The following FBRS variants were observed in gnomAD, a reference collection of about 807,000 sequenced individuals.
FBRS encodes fibrosin.
In FBRS, 15 loss-of-function variants were observed where a neutral mutation model predicts 86.1. The ratio of observed to expected loss-of-function variants is 0.17; its 90% CI spans 0.12 to 0.27. The LOEUF (loss-of-function observed/expected upper bound fraction) is 0.27, where lower values mean the gene tolerates loss of function less well. FBRS is among the 10% of genes least tolerant of loss of function. The pLI, the probability that FBRS is intolerant of heterozygous loss-of-function variation, is 1.00. For synonymous variants in FBRS, 666 were observed against 575.8 expected (o/e 1.16, Z -2.24); for missense variants, 1,367 against 1,301.6 (o/e 1.05, Z -0.77).
In FBRS at chr16:30,665,459, C is replaced by T. The variant is rs935002427; in HGVS notation, c.1704+58C>T. ...ACCATCTTGACAAACCCAGACACGCCGGGTCCAAGCACCCTTCTCCCATTC... is the reference window on the plus strand; with the variant it reads ...ACCATCTTGACAAACCCAGACACGCTGGGTCCAAGCACCCTTCTCCCATTC... On this transcript the variant is annotated intron_variant, in intron 10 of 17. Transcript: ENST00000356166. This position sits in a 1 kb window ranked among gnomAD's most constrained non-coding sequence, Gnocchi z 4.1. The T allele has an allele frequency of 3.1e-5, 46 of 1,490,198 alleles. No individual in the cohort carries two copies. Among genetic ancestry groups the T allele is most frequent in the Middle Eastern group, 1.7e-4 (1 of 5,906 alleles). 92.3% of individuals were successfully genotyped at this position (1,490,198 alleles called of 1,614,324 possible). A position where few individuals can be genotyped will look rare whatever the true frequency, so the allele number is the denominator to read the frequency against.
At position 30,668,872 on chromosome 16, in the gene FBRS, C is replaced by G; in HGVS notation, c.2259C>G (p.Thr753=). Residue 753 remains threonine, a synonymous_variant, in exon 17 of 18, where the codon ACC becomes ACG. Transcript: ENST00000356166. ...GCCGCCTGCACCGCAGTCCTCTGAC[C>G]TTTCCTGCCTGGGTCCGGCCCCCTG... ...PWGRLHRSPL[T]FPAWVRPPEA... is the part of the protein sequence containing the mutation. The G allele has an allele frequency of 6.3e-7, 1 of 1,588,794 alleles. No individual in the cohort carries two copies. Among genetic ancestry groups the G allele is most frequent in the Non-Finnish European group, 8.5e-7 (1 of 1,171,742 alleles).
In FBRS at chr16:30,669,200, C is replaced by T. The variant is rs2052562741; in HGVS notation, c.2498C>T (p.Ala833Val). ...VKEERKEEAA[A>V]AAAAAAAAAA... ...GAAGAGCGGAAGGAGGAGGCTGCCGCCGCCGCTGCCGCTGCTGCTGCCGCC... is the reference window on the plus strand; with the variant it reads ...GAAGAGCGGAAGGAGGAGGCTGCCGTCGCCGCTGCCGCTGCTGCTGCCGCC... Residue 833 changes from alanine (A) to valine (V), a missense_variant, in exon 18 of 18, where the codon GCC becomes GTC. Around this residue, in one of 3 missense-constraint regions of FBRS, gnomAD observed 659 missense variants for 678.8 expected, o/e 0.97. Transcript: ENST00000356166. This position sits in a 1 kb window ranked among gnomAD's most constrained non-coding sequence, Gnocchi z 5.9. 6.5e-7 allele frequency: 1 copy of T among 1,544,788 alleles called. No individual in the cohort carries two copies. The highest frequency in any genetic ancestry group is 8.7e-7 in the Non-Finnish European group (1 of 1,143,818).
At chr16:30,662,318 A>C (rs2052471418) in intron 4 of FBRS, 102 bp from the exon 5 acceptor site, 2 of 1,510,984 alleles carry the variant, frequency 1.3e-6, no homozygotes, top group African/African-American at 2.8e-5. Flanking sequence ...CAGACTTGCC[A>C]CTACCACCAG....
chr16:30,667,684 T>A (rs1020796036), intron 15 of FBRS, 62 bp downstream of exon 15: 1 of 1,398,636 alleles, frequency 7.1e-7, no homozygotes, highest in Non-Finnish European at 9.5e-7. Flanking sequence ...GAGATGGAAA[T>A]CAGACCCAGC....
In FBRS at chr16:30,665,928, G is replaced by A; in HGVS notation, c.1773+222G>A. The A allele has an allele frequency of 1.9e-6, 1 of 517,984 alleles. No homozygotes were observed. Among genetic ancestry groups the A allele is most frequent in the East Asian group, 3.2e-5 (1 of 30,800 alleles). The allele number at this position is 517,984 out of a possible 1,614,324, so 32.1% of individuals were successfully genotyped here. On this transcript the variant is annotated intron_variant, in intron 11 of 17. Coordinates refer to ENST00000356166, the MANE Select transcript of FBRS (RefSeq NM_001105079.3). This position sits in a 1 kb window ranked among gnomAD's most constrained non-coding sequence, Gnocchi z 4.1. ...CAGAAATAGGATGATTAGGACAATG[G>A]TTTTTGTAGTGGTTTTCAAACTTTT... is the stretch of plus-strand genomic sequence containing the variant.
chr16:30,661,911 G>C (rs768559335), intron 4 of FBRS: 8 of 179,238 alleles, frequency 4.5e-5, no homozygotes, highest in Non-Finnish European at 9.5e-5. Flanking sequence ...GGATAGGACT[G>C]TGGTGAACCA....
chr16:30,664,389 C>G lies in FBRS; in HGVS notation c.1230C>G (p.Pro410=), dbSNP rs768430803. Residue 410 remains proline, a synonymous_variant, in exon 7 of 18, where the codon CCC becomes CCG. Transcript: ENST00000356166. ...LPLSTHSFPP[P]GLRPPPPPHH... ...TGTCCACCCACAGCTTTCCCCCTCC[C>G]GGGCTGCGGCCCCCCCCACCACCCC... is the stretch of plus-strand genomic sequence containing the variant. 1.3e-5 allele frequency: 19 copies of G among 1,489,196 alleles called. No homozygotes were observed. Among genetic ancestry groups the G allele is most frequent in the Non-Finnish European group, 1.7e-5 (19 of 1,108,560 alleles). 92.2% of individuals were successfully genotyped at this position (1,489,196 alleles called of 1,614,324 possible). A position where few individuals can be genotyped will look rare whatever the true frequency, so the allele number is the denominator to read the frequency against.
chr16:30,662,979 G>A, intron 6 of FBRS, 120 bp downstream of exon 6: 1 of 1,325,760 alleles, frequency 7.5e-7, no homozygotes, highest in Non-Finnish European at 9.7e-7. Flanking sequence ...AAAAGTTTGA[G>A]AAAAACAAAT....
chr16:30,667,767 G>A, intron 15 of FBRS, 145 bp downstream of exon 15: 2 of 652,436 alleles, frequency 3.1e-6, no homozygotes, highest in Middle Eastern at 4.4e-4. Context: ...TACCCCCTCT[G>A]AGCCTTGATT....
In FBRS at chr16:30,670,803, C is replaced by A. The variant is rs181728700; in HGVS notation, c.*1158C>A. ...AATATTTATATAAAAACGAGTGTTA[C>A]AATGAGACCCCCGGCTCCTCTTTGA... On this transcript the variant is annotated 3_prime_UTR_variant, in exon 18 of 18. Transcript: ENST00000356166. 1.9e-5 allele frequency: 3 copies of A among 156,842 alleles called. No homozygotes were observed. The highest frequency in any genetic ancestry group is 3.9e-4 in the East Asian group (2 of 5,172). The allele number at this position is 156,842 out of a possible 1,614,324, so 9.7% of individuals were successfully genotyped here.
At chr16:30,660,721 G>A in intron 2 of FBRS, 1 of 494,874 alleles carries the variant, frequency 2.0e-6, no homozygotes, top group Non-Finnish European at 3.3e-6. Context: ...TGTGGTTCCT[G>A]CCCTTCCTCG....
At chr16:30,663,292 C>T (rs1040673794) in intron 6 of FBRS, among the ~76,000 whole-genome samples, 2 of 152,184 alleles carry the variant, frequency 1.3e-5, no homozygotes, top group African/African-American at 4.8e-5. Context: ...ATGGAATGAT[C>T]ATAGTACTTT....
At position 30,668,545 on chromosome 16, in the gene FBRS, C is replaced by T. The variant is rs1350677834; in HGVS notation, c.2075-15C>T. 7 of 1,606,396 alleles carry T rather than the reference C, an allele frequency of 4.4e-6. No individual in the cohort carries two copies. Among genetic ancestry groups the T allele is most frequent in the Non-Finnish European group, 6.0e-6 (7 of 1,174,904 alleles). On this transcript the variant is annotated splice_polypyrimidine_tract_variant and intron_variant, in intron 15 of 17. Transcript: ENST00000356166. ...GGCTGCCCAGTGCTCTGACCACCCC[C>T]CTTTCCTCCCACAGATCCCTTTGGG...
Position 30,662,567 on chromosome 16 carries a change from C to T in FBRS, c.763C>T (p.Pro255Ser). The change falls in exon 6 of 18, where the codon CCC (proline) becomes TCC (serine). Residue 255 changes from proline to serine, a missense_variant. By Grantham distance (74) the Pro-to-Ser change is moderately conservative. This residue lies in a region of FBRS where 702 missense variants were observed against 598.7 expected (regional missense o/e 1.17). Transcript: ENST00000356166. ...FTVSTSKASG[P>S]HGAFNGNCEA... Reference sequence around the variant, plus strand: ...GCCATCCTGCCCCACAGCCTCGGGCCCCCACGGCGCCTTCAATGGGAACTG... The same window carrying T: ...GCCATCCTGCCCCACAGCCTCGGGCTCCCACGGCGCCTTCAATGGGAACTG... 6.5e-7 allele frequency: 1 copy of T among 1,542,930 alleles called. No homozygotes were observed. The highest frequency in any genetic ancestry group is 8.8e-7 in the Non-Finnish European group (1 of 1,141,562).
intron 7 of FBRS, 62 bp from the exon 8 acceptor site, chr16:30,664,653 C>G (rs933758216): frequency 4.8e-6 from 7 of 1,456,042 alleles, no homozygotes; most frequent in Non-Finnish European, 6.4e-6. Flanking sequence ...AAGGCAGTCA[C>G]CTGGGCCCAA....
In FBRS at chr16:30,668,761, C is replaced by A; in HGVS notation, c.2159-11C>A. ...TGGCCCCTGTCACTCTCTGCTTCACCCTCTGCCCAGACTCCGGCGCCGTCT... is the reference window on the plus strand; with the variant it reads ...TGGCCCCTGTCACTCTCTGCTTCACACTCTGCCCAGACTCCGGCGCCGTCT... On this transcript the variant is annotated splice_polypyrimidine_tract_variant and intron_variant, in intron 16 of 17. Transcript: ENST00000356166. 1 of 1,598,802 alleles carries A rather than the reference C, an allele frequency of 6.3e-7. No homozygotes were observed. Among genetic ancestry groups the A allele is most frequent in the Non-Finnish European group, 8.5e-7 (1 of 1,176,254 alleles).
At position 30,665,170 on chromosome 16, in the gene FBRS, C is replaced by G; in HGVS notation, c.1608+91C>G. ...ACCCTGACTGCTGGGGTCCAGTCTT[C>G]AGCACAAAAGCAAGAGCCTTGAGCC... On this transcript the variant is annotated intron_variant, in intron 9 of 17. Transcript: ENST00000356166. The surrounding 1 kb of genome is among the most constrained non-coding windows in gnomAD (Gnocchi z 4.1). 6.5e-7 allele frequency: 1 copy of G among 1,549,404 alleles called. No homozygotes were observed. The highest frequency in any genetic ancestry group is 8.7e-7 in the Non-Finnish European group (1 of 1,145,964).
At position 30,667,642 on chromosome 16, in the gene FBRS, T is replaced by C; in HGVS notation, c.2074+20T>C. 6.7e-7 allele frequency: 1 copy of C among 1,482,410 alleles called. No homozygotes were observed. Among genetic ancestry groups the C allele is most frequent in the Non-Finnish European group, 9.0e-7 (1 of 1,115,904 alleles). The allele number at this position is 1,482,410 out of a possible 1,614,324, so 91.8% of individuals were successfully genotyped here. The stretch of plus-strand genomic sequence containing the variant: ...ACATTGGTAAGAGCCAAGGGCGTGT[T>C]GGGCAACCCAGGCTTTGTCCCTGAC... On this transcript the variant is annotated intron_variant, in intron 15 of 17. Transcript: ENST00000356166.
At chr16:30,661,369 T>C (rs1380359738) in intron 4 of FBRS, 36 bp downstream of exon 4, 1 of 1,550,662 alleles carries the variant, frequency 6.4e-7, no homozygotes, top group African/African-American at 1.4e-5. Context: ...GCAGTGTCAC[T>C]GCTTGTAAAA....
Sources: gnomAD v4.1 joint callset for allele counts (sites outside exome capture counted in the v4.1 genomes callset) on GRCh38, gnomAD v4.1.1 for gene constraint, gnomAD v4.1.1 regional missense constraint, Gnocchi (gnomAD v3.1) non-coding constraint, MANE v1.5 for transcripts, NCBI Gene and HGNC (gene_info 2026-07-23, HGNC 2026-07-21) for gene names.